CAPN8: variants seen among roughly 807,000 people sequenced by gnomAD.
CAPN8 encodes the protein calpain-8.
In CAPN8, 87 loss-of-function variants were observed where a neutral mutation model predicts 80.9. That is an observed-to-expected ratio of 1.07 (90% CI 0.90 to 1.28). The LOEUF (loss-of-function observed/expected upper bound fraction) is 1.28, where lower values mean the gene tolerates loss of function less well. Among genes scored for constraint, CAPN8 ranks in the 50% most tolerant of loss-of-function variants. CAPN8 has a pLI of 0.00. For missense variants in CAPN8, 757 were observed against 702.0 expected, an observed-to-expected ratio of 1.08 and a Z score of -0.89; for synonymous variants, 299 against 273.8, an observed-to-expected ratio of 1.09 and a Z score of -0.91.
intron 1 of CAPN8, among the ~76,000 whole-genome samples, chr1:223,660,490 G>A (rs921267265): frequency 1.3e-5 from 2 of 152,196 alleles, no homozygotes; most frequent in South Asian, 2.1e-4. Flanking sequence ...TTCATCCTGA[G>A]AACCTATGCT....
chr1:223,611,271 C>T (rs1219570788), intron 11 of CAPN8, among the ~76,000 whole-genome samples: 1 of 152,218 alleles, frequency 6.6e-6, no homozygotes, highest in Admixed American at 6.5e-5. Context: ...CTAGCTGAAA[C>T]AGGGAAGAGG....
At chr1:223,657,915 C>A (rs1376119896) in intron 1 of CAPN8, among the ~76,000 whole-genome samples, 1 of 152,160 alleles carries the variant, frequency 6.6e-6, no homozygotes, top group East Asian at 1.9e-4. Context: ...GCATTTGGTA[C>A]CGTTGGCTAT....
chr1:223,627,182 C>A (rs201749092), intron 4 of CAPN8, 25 bp from the exon 5 acceptor site: 6 of 1,551,454 alleles, frequency 3.9e-6, no homozygotes, highest in African/African-American at 1.4e-5. Flanking sequence ...AGAACACATG[C>A]TCCATTAGCA....
intron 11 of CAPN8, among the ~76,000 whole-genome samples, chr1:223,611,024 C>T (rs555539832): frequency 0.026 from 480 of 18,760 alleles, 17 homozygotes; most frequent in Admixed American, 0.15. Context: ...GTCCTGAAGG[C>T]CCCCCGGCAC....
Position 223,628,743 on chromosome 1 carries a change from G to A in CAPN8, c.345C>T (p.Thr115=). The change falls in exon 3 of 21, where the codon ACC becomes ACT. Residue 115 remains threonine (T), a synonymous_variant. Transcript: ENST00000366872. ...CCCGGTAAAGCAGCTCTTCATTCAG[G>A]GTCAGGGAGGCAATGGCAGCCAGAA... ...CWLLAAIASL[T]LNEELLYRVV... 1.3e-6 allele frequency: 2 copies of A among 1,553,820 alleles called. No homozygotes were observed. The highest frequency in any genetic ancestry group is 8.7e-7 in the Non-Finnish European group (1 of 1,148,330).
chr1:223,551,635 A>G (rs1656789267), intron 14 of CAPN8, among the ~76,000 whole-genome samples: 1 of 152,238 alleles, frequency 6.6e-6, no homozygotes. Flanking sequence ...CAGGAACAGC[A>G]GTGATAGGAT....
rs1316474002 is a variant in CAPN8 at position 223,549,301 on chromosome 1, C to A, written c.1764+17G>T. Reference sequence around the variant, plus strand: ...CGAAAGTAAAAAAAAAAAAATAATGCAACATTTAAAGGATACATCCAACAG... The same window carrying A: ...CGAAAGTAAAAAAAAAAAAATAATGAAACATTTAAAGGATACATCCAACAG... On this transcript the variant is annotated intron_variant, in intron 16 of 20. Transcript: ENST00000366872. The A allele has an allele frequency of 6.5e-7, 1 of 1,540,606 alleles. No individual in the cohort carries two copies. The highest frequency in any genetic ancestry group is 1.2e-5 in the South Asian group (1 of 80,992).
intron 2 of CAPN8, among the ~76,000 whole-genome samples, chr1:223,650,110 G>C (rs1658306156): frequency 6.6e-6 from 1 of 152,122 alleles, no homozygotes; most frequent in Admixed American, 6.5e-5. Flanking sequence ...AGAGAGGAGG[G>C]GCCCTTGGCA....
chr1:223,557,924 G>C lies in CAPN8; in HGVS notation c.1572+207C>G, dbSNP rs948508066. On this transcript the variant is annotated intron_variant, in intron 13 of 20. Transcript: ENST00000366872. ...AGACGATGGCTAAGACCTCCCCCAG[G>C]GGGTAGGGATATATTACAAAGCCTG... 3.4e-4 allele frequency among the ~76,000 whole-genome samples: 52 copies of C among 152,286 alleles called. 2 individuals are homozygous for C. In the East Asian group the frequency reaches 9.5e-3, roughly 28 times the overall value.
In CAPN8 at chr1:223,543,134, C is replaced by A; in HGVS notation, c.2062G>T (p.Gly688Cys). The change falls in exon 20 of 21, where the codon GGC becomes TGC. Residue 688 changes from glycine to cysteine, a missense_variant. Coordinates refer to ENST00000366872, the MANE Select transcript of CAPN8 (RefSeq NM_001143962.2). ...LFSLLDEDKD[G>C]MVQLSLAEWL... ...TCGGCCAGAGAGAGCTGAACCATGC[C>A]ATCCTTGTCTTCGTCCAGAAGGCTG... The A allele has an allele frequency of 6.4e-7, 1 of 1,551,664 alleles. No individual in the cohort carries two copies. Among genetic ancestry groups the A allele is most frequent in the South Asian group, 1.2e-5 (1 of 84,058 alleles).
At chr1:223,619,058 G>C (rs950284500) in intron 9 of CAPN8, among the ~76,000 whole-genome samples, 3 of 152,162 alleles carry the variant, frequency 2.0e-5, no homozygotes, top group African/African-American at 7.2e-5. Flanking sequence ...GCCAGGCATG[G>C]TGGTGCATGC....
intron 1 of CAPN8, among the ~76,000 whole-genome samples, chr1:223,657,751 G>A (rs909484637): frequency 2.0e-5 from 3 of 152,186 alleles, no homozygotes; most frequent in African/African-American, 7.2e-5. Flanking sequence ...GGGCAACAGA[G>A]TGAGACTCTG....
chr1:223,554,338 G>A (rs1656860284), intron 13 of CAPN8, among the ~76,000 whole-genome samples: 1 of 152,138 alleles, frequency 6.6e-6, no homozygotes, highest in African/African-American at 2.4e-5. Context: ...ATGCATTTTT[G>A]GCTGGGTGCA....
intron 2 of CAPN8, among the ~76,000 whole-genome samples, chr1:223,630,480 G>A (rs1215573037): frequency 6.6e-6 from 1 of 151,568 alleles, no homozygotes; most frequent in African/African-American, 2.4e-5. Context: ...AGAACTACAG[G>A]TGCATGCCAT....
chr1:223,613,135 T>C (rs1214207847), intron 10 of CAPN8, among the ~76,000 whole-genome samples: 1 of 152,204 alleles, frequency 6.6e-6, no homozygotes, highest in Non-Finnish European at 1.5e-5. Flanking sequence ...ACATAGGCCC[T>C]TTTGACCAGA....
intron 2 of CAPN8, among the ~76,000 whole-genome samples, chr1:223,633,237 A>G (rs1343262618): frequency 6.6e-6 from 1 of 152,204 alleles, no homozygotes; most frequent in African/African-American, 2.4e-5. Flanking sequence ...TTGGCTCTGA[A>G]AAAAGAATTC....
At chr1:223,545,163 G>C (rs888763153) in intron 17 of CAPN8, 68 bp downstream of exon 17, 5 of 1,550,252 alleles carry the variant, frequency 3.2e-6, no homozygotes, top group Admixed American at 3.9e-5. Context: ...AGAATACAAT[G>C]GACCAGGAAT....
chr1:223,554,117 C>T (rs1000243476), intron 13 of CAPN8, among the ~76,000 whole-genome samples: 15 of 152,164 alleles, frequency 9.9e-5, no homozygotes, highest in East Asian at 1.9e-4. Flanking sequence ...AGAGAGGCAG[C>T]GCTGGGGCCT....
chr1:223,638,188 G>T (rs1010589951), intron 2 of CAPN8, among the ~76,000 whole-genome samples: 2 of 152,136 alleles, frequency 1.3e-5, no homozygotes, highest in African/African-American at 4.8e-5. Flanking sequence ...CATTTACACT[G>T]TATTAAGTAT....
Sources: allele counts gnomAD v4.1 joint callset (sites outside exome capture counted in the v4.1 genomes callset), GRCh38; gene constraint gnomAD v4.1.1; transcripts MANE v1.5; gene names NCBI Gene and HGNC (gene_info 2026-07-23, HGNC 2026-07-21).